ALK: variants seen among roughly 807,000 people sequenced by gnomAD.
ALK encodes ALK receptor tyrosine kinase, also known as ALK tyrosine kinase receptor.
In ALK, 74 loss-of-function variants were observed where a neutral mutation model predicts 163.1. The ratio of observed to expected loss-of-function variants is 0.45; its 90% confidence interval spans 0.38 to 0.55. The LOEUF is 0.55. ALK is among the 20% of genes least tolerant of loss of function. ALK has a pLI of 0.00. For synonymous variants in ALK, 960 were observed against 843.2 expected, an observed-to-expected ratio of 1.14 and a Z score of -2.40; for missense variants, 2,063 against 2,105.3, an observed-to-expected ratio of 0.98 and a Z score of 0.39.
At chr2:29,753,366 T>C (rs1680428070) in intron 1 of ALK, among the ~76,000 whole-genome samples, 1 of 152,136 alleles carries the variant, frequency 6.6e-6, no homozygotes, top group African/African-American at 2.4e-5. Flanking sequence ...GACCCAAGGG[T>C]AAGTTACGGG....
intron 23 of ALK, among the ~76,000 whole-genome samples, chr2:29,215,601 G>A (rs927284425): frequency 2.0e-5 from 3 of 152,188 alleles, no homozygotes; most frequent in Admixed American, 6.5e-5. Flanking sequence ...AAAGCTGCCC[G>A]GAGATGGGCT....
At chr2:29,404,307 C>CAAA (rs11297118) in intron 4 of ALK, among the ~76,000 whole-genome samples, 1 of 135,410 alleles carries the variant, frequency 7.4e-6, no homozygotes, top group Non-Finnish European at 1.6e-5. Context: ...GACTCCGTCT[C>CAAA]AAAAAAAAAA....
chr2:29,287,961 T>C (rs1262178426), intron 9 of ALK, among the ~76,000 whole-genome samples: 1 of 151,940 alleles, frequency 6.6e-6, no homozygotes, highest in Admixed American at 6.6e-5. Context: ...CTTCAGGTAG[T>C]GTCACCCCCT....
At chr2:29,345,791 TATTAACATGA>T (rs1370868331) in intron 5 of ALK, among the ~76,000 whole-genome samples, 1 of 152,134 alleles carries the variant, frequency 6.6e-6, no homozygotes, top group Non-Finnish European at 1.5e-5. Flanking sequence ...GAAGAACCCT[TATTAACATGA>T]GAAAATTTTC....
rs1413940049 is a variant in ALK, at chr2:29,193,386, C to T, written c.4701G>A (p.Lys1567=). 1 of 1,614,192 alleles carries T rather than the reference C, an allele frequency of 6.2e-7. No individual in the cohort carries two copies. ...GACGTAGCCTGAACAGAGGTACCTC[C>T]TTCATATTGGCAGTCAGCGAAGAGG... is the stretch of plus-strand genomic sequence containing the variant. ...LEPSSLTANM[K]EVPLFRLRHF... The change falls in exon 29 of 29, where the codon AAG becomes AAA. Residue 1567 remains lysine (K), a synonymous_variant. Coordinates refer to ENST00000389048, the MANE Select transcript of ALK (RefSeq NM_004304.5).
intron 9 of ALK, chr2:29,286,976 C>T (rs759266556): frequency 2.6e-5 from 4 of 151,322 alleles, no homozygotes; most frequent in Non-Finnish European, 5.9e-5. Context: ...TTTGGGCACA[C>T]AGCTAGACTA....
chr2:29,680,860 G>A (rs996705176), intron 3 of ALK, among the ~76,000 whole-genome samples: 1 of 151,902 alleles, frequency 6.6e-6, no homozygotes, highest in African/African-American at 2.4e-5. Flanking sequence ...TTCTTTTCTT[G>A]TTCTTATAGT....
intron 3 of ALK, among the ~76,000 whole-genome samples, chr2:29,677,954 G>A (rs758643376): frequency 5.7e-4 from 87 of 152,080 alleles, no homozygotes; most frequent in Non-Finnish European, 8.8e-4. Flanking sequence ...ACTAATTCAA[G>A]TCTTTACTTG....
chr2:29,247,903 T>A (rs982136563), intron 12 of ALK, among the ~76,000 whole-genome samples: 6 of 152,184 alleles, frequency 3.9e-5, no homozygotes, highest in Admixed American at 2.0e-4. Context: ...CTTGTGTTTT[T>A]TTCAACAGAT....
intron 3 of ALK, among the ~76,000 whole-genome samples, chr2:29,604,664 T>G (rs1160881351): frequency 6.6e-6 from 1 of 152,240 alleles, no homozygotes. Context: ...GTCCTGTTTG[T>G]GCCAAAGTTG....
intron 1 of ALK, among the ~76,000 whole-genome samples, chr2:29,837,037 C>A (rs75128069): frequency 0.036 from 5,412 of 152,318 alleles, 137 homozygotes; most frequent in Middle Eastern, 0.071. Context: ...CCACTGTGAA[C>A]ACAGACATCC....
intron 9 of ALK, among the ~76,000 whole-genome samples, chr2:29,291,993 T>C (rs914546849): frequency 2.0e-5 from 3 of 152,238 alleles, no homozygotes; most frequent in African/African-American, 4.8e-5. Flanking sequence ...CTGGTCTAAA[T>C]GCATGAAGAC....
intron 4 of ALK, among the ~76,000 whole-genome samples, chr2:29,406,767 G>T (rs1020102198): frequency 1.3e-5 from 2 of 151,958 alleles, no homozygotes; most frequent in African/African-American, 2.4e-5. Flanking sequence ...GGGCATGGTG[G>T]TGCACTCCTG....
chr2:29,897,763 C>A (rs1277605406), intron 1 of ALK, among the ~76,000 whole-genome samples: 1 of 152,226 alleles, frequency 6.6e-6, no homozygotes, highest in African/African-American at 2.4e-5. Context: ...AGAGCCCTTA[C>A]CCTTCTCAGG....
At chr2:29,848,849 G>A (rs1191539951) in intron 1 of ALK, among the ~76,000 whole-genome samples, 1 of 152,200 alleles carries the variant, frequency 6.6e-6, no homozygotes, top group African/African-American at 2.4e-5. Context: ...CAGGACTGCA[G>A]AGATGCGGCC....
At chr2:29,670,303 G>A (rs143368150) in intron 3 of ALK, among the ~76,000 whole-genome samples, 10 of 152,140 alleles carry the variant, frequency 6.6e-5, no homozygotes, top group Middle Eastern at 6.8e-3. Context: ...TTGGAAGGCA[G>A]AATTTTTTTC....
intron 1 of ALK, among the ~76,000 whole-genome samples, chr2:29,865,123 A>C (rs1666398545): frequency 6.6e-6 from 1 of 152,174 alleles, no homozygotes; most frequent in African/African-American, 2.4e-5. Context: ...TGGTTCAACA[A>C]AGTCTTCCCA....
intron 1 of ALK, among the ~76,000 whole-genome samples, chr2:29,763,834 A>G (rs1198359117): frequency 6.6e-6 from 1 of 152,178 alleles, no homozygotes; most frequent in Non-Finnish European, 1.5e-5. Context: ...CACACACAAT[A>G]GAGCCCAGGC....
At chr2:29,849,554 C>T (rs1036853152) in intron 1 of ALK, among the ~76,000 whole-genome samples, 2 of 152,212 alleles carry the variant, frequency 1.3e-5, no homozygotes, top group Non-Finnish European at 2.9e-5. Flanking sequence ...CGTGGCACCT[C>T]ATAGATTAAC....
Sources: allele counts gnomAD v4.1 joint callset (sites outside exome capture counted in the v4.1 genomes callset), GRCh38; gene constraint gnomAD v4.1.1; transcripts MANE v1.5; gene names NCBI Gene and HGNC (gene_info 2026-07-23, HGNC 2026-07-21).